MSRA: variants seen among roughly 807,000 people sequenced by gnomAD.
MSRA encodes mitochondrial peptide methionine sulfoxide reductase.
Under a neutral mutation model 31.3 loss-of-function variants are expected in MSRA, and 54 were observed. The observed-to-expected ratio is 1.73, with a 90% CI of 1.39 to 2.17. MSRA has a LOEUF of 2.17. Ranked by LOEUF, MSRA falls within the 30% of genes most tolerant of loss-of-function variation. MSRA has a pLI of 0.00. For missense variants in MSRA, 507 were observed against 300.9 expected (o/e 1.69, Z -5.07); for synonymous variants, 169 against 116.5 (o/e 1.45, Z -2.90).
At chr8:10,389,790 CTTTTT>C (rs55769720) in intron 5 of MSRA, among the ~76,000 whole-genome samples, 1 of 123,400 alleles carries the variant, frequency 8.1e-6, no homozygotes, top group Non-Finnish European at 1.6e-5. Context: ...GAAACTTACT[CTTTTT>C]TTTTTTTTTT....
At chr8:10,085,632 C>T (rs1443345402) in intron 1 of MSRA, among the ~76,000 whole-genome samples, 1 of 152,166 alleles carries the variant, frequency 6.6e-6, no homozygotes, top group African/African-American at 2.4e-5. Flanking sequence ...TTCACCTCTT[C>T]TAAAGTAGTG....
At chr8:10,104,524 A>G (rs1294666652) in intron 1 of MSRA, among the ~76,000 whole-genome samples, 3 of 152,142 alleles carry the variant, frequency 2.0e-5, no homozygotes, top group Non-Finnish European at 4.4e-5. Flanking sequence ...AGGTAGATAT[A>G]AAAATTTTGA....
At chr8:10,211,395 C>G (rs928539924) in intron 2 of MSRA, among the ~76,000 whole-genome samples, 3 of 152,138 alleles carry the variant, frequency 2.0e-5, no homozygotes, top group Admixed American at 6.5e-5. Flanking sequence ...TCCTCTGTGG[C>G]TCTCCCTCTC....
At chr8:10,406,465 C>T (rs1024906225) in intron 5 of MSRA, among the ~76,000 whole-genome samples, 1 of 152,160 alleles carries the variant, frequency 6.6e-6, no homozygotes, top group Admixed American at 6.5e-5. Flanking sequence ...GTGGGGCATC[C>T]TTTCAGGTAA....
At chr8:10,109,337 CTTTTCTTTTT>C (rs1371233236) in intron 1 of MSRA, among the ~76,000 whole-genome samples, 1 of 148,882 alleles carries the variant, frequency 6.7e-6, no homozygotes, top group Non-Finnish European at 1.5e-5. Context: ...CTTTTCTTTT[CTTTTCTTTTT>C]TTTTTTTATT....
intron 2 of MSRA, among the ~76,000 whole-genome samples, chr8:10,234,521 A>G (rs2129074979): frequency 6.6e-6 from 1 of 152,190 alleles, no homozygotes; most frequent in South Asian, 2.1e-4. Context: ...CTAATAGGAG[A>G]GAGAAAATGA....
intron 2 of MSRA, among the ~76,000 whole-genome samples, chr8:10,242,335 G>T (rs1797377603): frequency 6.6e-6 from 1 of 152,082 alleles, no homozygotes; most frequent in South Asian, 2.1e-4. Flanking sequence ...ATAATGTCAG[G>T]GGTGGACACT....
intron 3 of MSRA, among the ~76,000 whole-genome samples, chr8:10,274,726 C>T (rs949590970): frequency 4.6e-5 from 7 of 152,112 alleles, no homozygotes; most frequent in African/African-American, 1.7e-4. Context: ...TGTATCCACT[C>T]ATCCATCTGT....
At chr8:10,177,760 G>A (rs1806185918) in intron 1 of MSRA, among the ~76,000 whole-genome samples, 1 of 152,176 alleles carries the variant, frequency 6.6e-6, no homozygotes. Flanking sequence ...GGACAGCCCT[G>A]AAATTTCTTT....
intron 1 of MSRA, among the ~76,000 whole-genome samples, chr8:10,124,787 A>G (rs1801384543): frequency 6.9e-6 from 1 of 145,440 alleles, no homozygotes; most frequent in African/African-American, 2.6e-5. Context: ...TGGATTAGAT[A>G]TGAATTCAGT....
chr8:10,415,912 AAGGACTG>A (rs1431267181), intron 5 of MSRA, among the ~76,000 whole-genome samples: 1 of 151,904 alleles, frequency 6.6e-6, no homozygotes, highest in Non-Finnish European at 1.5e-5. Flanking sequence ...CATGCCCTCA[AAGGACTG>A]TTTGCACCTC....
At chr8:10,335,418 T>G (rs1220494953) in intron 5 of MSRA, among the ~76,000 whole-genome samples, 1 of 152,068 alleles carries the variant, frequency 6.6e-6, no homozygotes, top group Non-Finnish European at 1.5e-5. Flanking sequence ...AGCACTCCAT[T>G]GCGACGTCTA....
chr8:10,070,547 A>G (rs1300365309), intron 1 of MSRA, among the ~76,000 whole-genome samples: 1 of 152,246 alleles, frequency 6.6e-6, no homozygotes, highest in Non-Finnish European at 1.5e-5. Context: ...GCAAAACTAT[A>G]GTACGTCATT....
chr8:10,224,165 C>T lies in MSRA; in HGVS notation c.211+16264C>T, dbSNP rs751596845. Among the ~76,000 whole-genome samples the T allele has an allele frequency of 2.0e-5, 3 of 152,194 alleles. No individual in the cohort carries two copies. The South Asian group carries it at 6.2e-4, about 32-fold the overall frequency. On this transcript the variant is annotated intron_variant, in intron 2 of 5. Transcript: ENST00000317173. ...GGCCCTTAACAGATAGTAGCTTCTTCTCCCACCAAACCAGTTCTTTTTGTG... is the reference window on the plus strand; with the variant it reads ...GGCCCTTAACAGATAGTAGCTTCTTTTCCCACCAAACCAGTTCTTTTTGTG...
intron 5 of MSRA, among the ~76,000 whole-genome samples, chr8:10,331,293 A>C (rs1802681294): frequency 6.6e-6 from 1 of 152,204 alleles, no homozygotes; most frequent in African/African-American, 2.4e-5. Context: ...ACTGGCTTGG[A>C]GGAGAACAAC....
chr8:10,407,723 G>A (rs150858302), intron 5 of MSRA, among the ~76,000 whole-genome samples: 13 of 152,270 alleles, frequency 8.5e-5, no homozygotes, highest in African/African-American at 2.9e-4. Flanking sequence ...AAATGGTGGG[G>A]CACAGAGTGA....
intron 1 of MSRA, among the ~76,000 whole-genome samples, chr8:10,059,330 C>T (rs946005973): frequency 2.0e-5 from 3 of 152,052 alleles, no homozygotes; most frequent in Admixed American, 1.3e-4. Context: ...TTACGGTAAC[C>T]CAAAGAAGTA....
intron 4 of MSRA, among the ~76,000 whole-genome samples, chr8:10,304,118 A>G (rs1328177973): frequency 6.6e-6 from 1 of 151,990 alleles, no homozygotes; most frequent in Non-Finnish European, 1.5e-5. Context: ...CATGTTTATA[A>G]TAGAGCTGGG....
intron 1 of MSRA, among the ~76,000 whole-genome samples, chr8:10,172,782 AC>A (rs1805708504): frequency 6.6e-6 from 1 of 152,074 alleles, no homozygotes; most frequent in African/African-American, 2.4e-5. Flanking sequence ...CCTGTAGCTC[AC>A]CCCTTCGCTT....
Sources: gnomAD v4.1 joint callset for allele counts (sites outside exome capture counted in the v4.1 genomes callset) on GRCh38, gnomAD v4.1.1 for gene constraint, MANE v1.5 for transcripts, NCBI Gene and HGNC (gene_info 2026-07-23, HGNC 2026-07-21) for gene names.